The following PPM1H variants were observed in gnomAD, a reference collection of about 807,000 sequenced individuals.
The protein encoded by PPM1H is protein phosphatase, Mg2+/Mn2+ dependent 1H.
A neutral mutation model predicts 54.9 loss-of-function variants in PPM1H; 27 were observed. That is an observed-to-expected ratio of 0.49 (90% CI 0.36 to 0.68). PPM1H has a LOEUF of 0.68. Ranked by LOEUF, PPM1H falls within the 30% of genes least tolerant of loss-of-function variation. The pLI is 0.00. For synonymous variants in PPM1H, 305 were observed against 270.8 expected (o/e 1.13, Z -1.24); for missense variants, 596 against 667.8 (o/e 0.89, Z 1.19).
chr12:62,920,584 AG>A (rs1169568665), intron 1 of PPM1H, among the ~76,000 whole-genome samples: 1 of 150,662 alleles, frequency 6.6e-6, no homozygotes, highest in Non-Finnish European at 1.5e-5. Context: ...GGCCTCCCAA[AG>A]TGCTGGGATT....
intron 9 of PPM1H, among the ~76,000 whole-genome samples, chr12:62,654,523 C>T (rs1265857275): frequency 1.3e-5 from 2 of 152,164 alleles, no homozygotes; most frequent in African/African-American, 4.8e-5. Flanking sequence ...GTATAAAACC[C>T]CAAGTCAAGG....
intron 5 of PPM1H, among the ~76,000 whole-genome samples, chr12:62,729,807 T>C (rs1489209692): frequency 1.3e-5 from 2 of 152,234 alleles, no homozygotes; most frequent in Non-Finnish European, 2.9e-5. Context: ...TGCTGTATGT[T>C]AATTCCATCC....
intron 4 of PPM1H, among the ~76,000 whole-genome samples, chr12:62,785,442 G>T (rs185687262): frequency 4.9e-4 from 75 of 152,342 alleles, no homozygotes; most frequent in African/African-American, 1.7e-3. Flanking sequence ...CTCCCAAAGT[G>T]CTGGGATTAT....
chr12:62,699,133 A>C (rs1450785883), intron 6 of PPM1H, among the ~76,000 whole-genome samples: 2 of 152,216 alleles, frequency 1.3e-5, no homozygotes, highest in South Asian at 2.1e-4. Flanking sequence ...AAAACATCAA[A>C]TTCAGCAGTA....
At chr12:62,748,545 C>T (rs1415309432) in intron 4 of PPM1H, among the ~76,000 whole-genome samples, 3 of 151,786 alleles carry the variant, frequency 2.0e-5, no homozygotes, top group African/African-American at 7.3e-5. Flanking sequence ...CACACACACA[C>T]ACACACACAC....
chr12:62,795,843 C>A (rs1162062398), intron 3 of PPM1H, among the ~76,000 whole-genome samples: 1 of 152,162 alleles, frequency 6.6e-6, no homozygotes, highest in African/African-American at 2.4e-5. Flanking sequence ...TCTCATGCCT[C>A]AGCCTCCCAA....
At position 62,898,100 on chromosome 12, in the gene PPM1H, GA is replaced by G. The variant is rs141261264; in HGVS notation, c.245+36391del. ...CTGCTGCCACCCACACCTCATAAAT[GA>G]GTTAAACTATAGCACATAATCATCC... On this transcript the variant is annotated intron_variant, in intron 1 of 9. Coordinates refer to ENST00000228705, the MANE Select transcript of PPM1H (RefSeq NM_020700.2). 5.1e-3 allele frequency among the ~76,000 whole-genome samples: 771 copies of G among 152,262 alleles called. 8 individuals are homozygous for G. The highest frequency in any genetic ancestry group is 0.031 in the Middle Eastern group (9 of 294).
At chr12:62,841,952 A>G (rs1207171663) in intron 1 of PPM1H, among the ~76,000 whole-genome samples, 1 of 152,162 alleles carries the variant, frequency 6.6e-6, no homozygotes, top group Non-Finnish European at 1.5e-5. Context: ...ATCTTTGTGT[A>G]TTTCCTTTCA....
chr12:62,930,183 C>G (rs1386681343), intron 1 of PPM1H, among the ~76,000 whole-genome samples: 1 of 152,104 alleles, frequency 6.6e-6, no homozygotes, highest in Admixed American at 6.5e-5. Flanking sequence ...AATCCAAATA[C>G]CTGTAGGCAG....
chr12:62,857,658 A>G (rs1009140082), intron 1 of PPM1H, among the ~76,000 whole-genome samples: 2 of 152,118 alleles, frequency 1.3e-5, no homozygotes, highest in African/African-American at 4.8e-5. Flanking sequence ...TCAAGTTTTT[A>G]AATTTTATTT....
intron 4 of PPM1H, among the ~76,000 whole-genome samples, chr12:62,745,921 G>A (rs551296493): frequency 6.6e-6 from 1 of 152,190 alleles, no homozygotes. Flanking sequence ...GACCAGGCAT[G>A]ACGGCTCACA....
At chr12:62,681,569 A>T (rs950998011) in intron 8 of PPM1H, among the ~76,000 whole-genome samples, 3 of 152,126 alleles carry the variant, frequency 2.0e-5, no homozygotes, top group African/African-American at 7.2e-5. Context: ...AACTCAAATG[A>T]CCCCATAAGG....
intron 4 of PPM1H, among the ~76,000 whole-genome samples, chr12:62,750,075 A>C (rs1055624523): frequency 2.6e-5 from 4 of 152,238 alleles, no homozygotes; most frequent in Admixed American, 2.6e-4. Context: ...CTCAAAAAAA[A>C]AAAAAAAAGA....
chr12:62,919,083 G>A (rs1871711493), intron 1 of PPM1H, among the ~76,000 whole-genome samples: 1 of 152,182 alleles, frequency 6.6e-6, no homozygotes, highest in Non-Finnish European at 1.5e-5. Context: ...AACTCTGCTA[G>A]AAAAATAATA....
chr12:62,827,357 T>A lies in PPM1H; in HGVS notation c.411+4757A>T, dbSNP rs191776228. ...TCTCTCATTTAATCTCTTCTGAGCC[T>A]GTCCCTTGCACTGATCAGTGCCTTA... On this transcript the variant is annotated intron_variant, in intron 2 of 9. Coordinates refer to ENST00000228705, the MANE Select transcript of PPM1H (RefSeq NM_020700.2). 5.3e-5 allele frequency among the ~76,000 whole-genome samples: 8 copies of A among 152,264 alleles called. No individual in the cohort carries two copies. In the East Asian group the frequency reaches 1.5e-3, roughly 29 times the overall value.
chr12:62,786,863 TCTC>T (rs1230235198), intron 4 of PPM1H, among the ~76,000 whole-genome samples: 5 of 152,184 alleles, frequency 3.3e-5, no homozygotes, highest in African/African-American at 1.2e-4. Flanking sequence ...ATTACACACT[TCTC>T]CACCTCTTTC....
In PPM1H at chr12:62,871,665, TCAC is replaced by T. The variant is rs993606725; in HGVS notation, c.246-39389_246-39387del. 2.7e-4 allele frequency among the ~76,000 whole-genome samples: 41 copies of T among 151,906 alleles called. 1 individual carries two copies. The highest frequency in any genetic ancestry group is 2.2e-3 in the Admixed American group (34 of 15,234). On this transcript the variant is annotated intron_variant, in intron 1 of 9. Transcript: ENST00000228705. Reference sequence around the variant, plus strand: ...AAGTAGCTGGGACTACAGGCATGTGTCACCACATCTGGCTAGTTTTTTGTATTT... The same window carrying T: ...AAGTAGCTGGGACTACAGGCATGTGTCACATCTGGCTAGTTTTTTGTATTT...
chr12:62,648,332 G>A lies in PPM1H; in HGVS notation c.*157C>T. 1.2e-6 allele frequency: 1 copy of A among 864,654 alleles called. No homozygotes were observed. The highest frequency in any genetic ancestry group is 2.6e-5 in the East Asian group (1 of 38,894). 53.6% of individuals were successfully genotyped at this position (864,654 alleles called of 1,614,324 possible). A position where few individuals can be genotyped will look rare whatever the true frequency, so the allele number is the denominator to read the frequency against. ...CTAAAGAAGAAATGGAAACCAAAGG[G>A]TCATCTTGAAGCATAGTCTTTTGGC... On this transcript the variant is annotated 3_prime_UTR_variant, in exon 10 of 10. Coordinates refer to ENST00000228705, the MANE Select transcript of PPM1H (RefSeq NM_020700.2).
chr12:62,666,924 G>A (rs1268800375), intron 9 of PPM1H, among the ~76,000 whole-genome samples: 2 of 152,168 alleles, frequency 1.3e-5, no homozygotes, highest in Non-Finnish European at 2.9e-5. Context: ...ATGTTGGCCA[G>A]GCTGGTCTAG....
Sources: gnomAD v4.1 joint callset for allele counts (sites outside exome capture counted in the v4.1 genomes callset) on GRCh38, gnomAD v4.1.1 for gene constraint, MANE v1.5 for transcripts, NCBI Gene and HGNC (gene_info 2026-07-23, HGNC 2026-07-21) for gene names.